TET3: variants seen among roughly 807,000 people sequenced by gnomAD.
TET3 encodes the protein methylcytosine dioxygenase TET3.
A neutral mutation model predicts 141.4 loss-of-function variants in TET3; 19 were observed. The ratio of observed to expected loss-of-function variants is 0.13; its 90% CI spans 0.09 to 0.20. The LOEUF (loss-of-function observed/expected upper bound fraction) is 0.20, where lower values mean the gene tolerates loss of function less well. TET3 is among the 10% of genes least tolerant of loss of function. TET3 has a pLI of 1.00. For missense variants in TET3, 1,874 were observed against 2,356.9 expected, an observed-to-expected ratio of 0.80 and a Z score of 4.24; for synonymous variants, 1,043 against 980.9, an observed-to-expected ratio of 1.06 and a Z score of -1.18.
chr2:74,109,620 G>A (rs1691654141), downstream of TET3, among the ~76,000 whole-genome samples: 1 of 152,190 alleles, frequency 6.6e-6, no homozygotes, highest in Admixed American at 6.5e-5. Flanking sequence ...TCTACGCTGA[G>A]AAGCGTTGCA....
rs1469535837 is a variant in TET3, at chr2:74,100,627, C to G, written c.3839C>G (p.Ala1280Gly). 1 of 1,613,928 alleles carries G rather than the reference C, an allele frequency of 6.2e-7. No homozygotes were observed. Among genetic ancestry groups the G allele is most frequent in the Non-Finnish European group, 8.5e-7 (1 of 1,179,908 alleles). ...GTCAATGGCTTCCACTCCAAGTACG[C>G]TCTCCCGTCTTTTAGCTACTATGGC... ...TSVNGFHSKYALPSFSYYGFP... is the reference protein window; with the variant it reads ...TSVNGFHSKYGLPSFSYYGFP... Residue 1280 changes from alanine to glycine, a missense_variant, in exon 12 of 12, where the codon GCT (alanine) becomes GGT (glycine). By Grantham distance (60) the Ala-to-Gly change is moderately conservative. Coordinates refer to ENST00000409262, the MANE Select transcript of TET3 (RefSeq NM_001287491.2).
intron 5 of TET3, among the ~76,000 whole-genome samples, chr2:74,074,874 TTTTG>T (rs949697301): frequency 3.0e-5 from 4 of 133,354 alleles, no homozygotes; most frequent in African/African-American, 9.7e-5. Flanking sequence ...TGTTTGTTTG[TTTTG>T]TTTGTTTTTT....
At chr2:74,022,134 T>A in intron 3 of TET3, among the ~76,000 whole-genome samples, 1 of 145,788 alleles carries the variant, frequency 6.9e-6, no homozygotes, top group East Asian at 2.1e-4. Flanking sequence ...TAAATGTTTC[T>A]GGTCTTTTCC....
At chr2:74,059,905 C>T (rs751222428) in intron 4 of TET3, among the ~76,000 whole-genome samples, 4 of 152,140 alleles carry the variant, frequency 2.6e-5, no homozygotes, top group Non-Finnish European at 5.9e-5. Flanking sequence ...TTTTTGAATA[C>T]ACCACAGTGT....
At chr2:74,064,216 G>T (rs937621201) in intron 4 of TET3, among the ~76,000 whole-genome samples, 2 of 151,814 alleles carry the variant, frequency 1.3e-5, no homozygotes, top group Non-Finnish European at 2.9e-5. Flanking sequence ...TATGGCACCC[G>T]TATACACGCA....
intron 2 of TET3, among the ~76,000 whole-genome samples, chr2:73,988,182 G>A (rs1176809490): frequency 6.6e-6 from 1 of 152,172 alleles, no homozygotes; most frequent in African/African-American, 2.4e-5. Context: ...AGTGCCCCAT[G>A]GGTCGCTACT....
At chr2:74,133,072 A>ATT in the TET3 span, among the ~76,000 whole-genome samples, 3 of 105,134 alleles carry the variant, frequency 2.9e-5, no homozygotes, top group Non-Finnish European at 4.2e-5. Context: ...TAATTTTTGT[A>ATT]TTTTTTTTTT....
At chr2:74,022,030 A>T (rs1686070761) in intron 3 of TET3, among the ~76,000 whole-genome samples, 1 of 152,052 alleles carries the variant, frequency 6.6e-6, no homozygotes, top group African/African-American at 2.4e-5. Context: ...AGAGAAAAAT[A>T]AAAAAGTCCA....
chr2:74,078,951 TC>T (rs1344921911), intron 5 of TET3, among the ~76,000 whole-genome samples: 1 of 152,216 alleles, frequency 6.6e-6, no homozygotes, highest in East Asian at 1.9e-4. Flanking sequence ...AGTAAGGAAA[TC>T]TGTCGCTTTC....
intron 3 of TET3, among the ~76,000 whole-genome samples, chr2:74,005,263 C>T (rs1685093877): frequency 1.3e-5 from 2 of 152,220 alleles, no homozygotes; most frequent in South Asian, 4.1e-4. Flanking sequence ...CTTGAAAATC[C>T]AGAGGAAGCC....
At chr2:74,060,374 G>T (rs893776973) in intron 4 of TET3, among the ~76,000 whole-genome samples, 2 of 152,040 alleles carry the variant, frequency 1.3e-5, no homozygotes, top group Non-Finnish European at 2.9e-5. Flanking sequence ...GAGTGGTAAG[G>T]GTTCTTTATT....
At chr2:74,002,640 C>T (rs1020101691) in intron 2 of TET3, 2 of 371,594 alleles carry the variant, frequency 5.4e-6, no homozygotes, top group Non-Finnish European at 9.5e-6. Context: ...CGGGGATTGG[C>T]TGGCGAGCGC....
At chr2:74,013,255 A>G (rs1315447051) in intron 3 of TET3, among the ~76,000 whole-genome samples, 2 of 151,710 alleles carry the variant, frequency 1.3e-5, no homozygotes, top group African/African-American at 2.4e-5. Flanking sequence ...CGGCCTCCCA[A>G]AGTGCTGGGA....
At chr2:74,013,014 G>C (rs1202173767) in intron 3 of TET3, among the ~76,000 whole-genome samples, 3 of 87,260 alleles carry the variant, frequency 3.4e-5, no homozygotes, top group Admixed American at 2.5e-4. Flanking sequence ...TTTTTTTTTT[G>C]AGACAGAGTC....
rs145012280 is a variant in TET3 at position 74,059,964 on chromosome 2, A to G, written c.2494+11553A>G. Among the ~76,000 whole-genome samples the G allele has an allele frequency of 9.2e-5, 14 of 152,334 alleles. No individual in the cohort carries two copies. The East Asian group carries it at 2.5e-3, about 27-fold the overall frequency. ...TTTGGGTTGTTTCCAACTTGGGGTT[A>G]TTATGAATCATGCTGATATAAGACA... On this transcript the variant is annotated intron_variant, in intron 4 of 11. Coordinates refer to ENST00000409262, the MANE Select transcript of TET3 (RefSeq NM_001287491.2).
In TET3 at chr2:74,080,576, C is replaced by T. The variant is rs781299317; in HGVS notation, c.2664C>T (p.Cys888=). 6.8e-6 allele frequency: 11 copies of T among 1,612,030 alleles called. No homozygotes were observed. Among genetic ancestry groups the T allele is most frequent in the Non-Finnish European group, 8.5e-6 (10 of 1,179,108 alleles). Residue 888 remains cysteine (C), a synonymous_variant, in exon 6 of 12, where the codon TGC becomes TGT. Transcript: ENST00000409262. ...AGGAGGGAAAGAGCTCCCGCGGTTG[C>T]CCCATTGCAAAGTGGGTGAGTGTTG... is the stretch of plus-strand genomic sequence containing the variant. The part of the protein sequence containing the change: ...TGKEGKSSRG[C]PIAKWVIRRH...
chr2:74,123,335 T>A, the TET3 span: 2 of 152,210 alleles, frequency 1.3e-5, no homozygotes, highest in African/African-American at 4.8e-5. Context: ...AATAAATAAA[T>A]AGGCCACACG....
At chr2:74,054,944 G>A (rs1688135885) in intron 4 of TET3, among the ~76,000 whole-genome samples, 1 of 152,126 alleles carries the variant, frequency 6.6e-6, no homozygotes. Context: ...CACTCAGGCT[G>A]GATAGCAGTG....
chr2:74,090,178 A>G, intron 8 of TET3, 131 bp downstream of exon 8: 4 of 1,375,812 alleles, frequency 2.9e-6, no homozygotes, highest in Non-Finnish European at 3.9e-6. Flanking sequence ...TCGTTTTTTT[A>G]AAAGCTGACC....
Sources: gnomAD v4.1 joint callset for allele counts (sites outside exome capture counted in the v4.1 genomes callset) on GRCh38, gnomAD v4.1.1 for gene constraint, MANE v1.5 for transcripts, NCBI Gene and HGNC (gene_info 2026-07-23, HGNC 2026-07-21) for gene names.